ZNF608: variants seen among roughly 807,000 people sequenced by gnomAD.
The protein encoded by ZNF608 is renal carcinoma antigen NY-REN-36.
In ZNF608, 12 loss-of-function variants were observed where a neutral mutation model predicts 109.0. The observed-to-expected ratio is 0.11, with a 90% CI of 0.07 to 0.18. ZNF608 has a LOEUF of 0.18. ZNF608 is among the 10% of genes least tolerant of loss of function. ZNF608 has a pLI of 1.00. For missense variants in ZNF608, 1,707 were observed against 1,879.3 expected, an observed-to-expected ratio of 0.91 and a Z score of 1.70; for synonymous variants, 732 against 717.4, an observed-to-expected ratio of 1.02 and a Z score of -0.33.
At chr5:124,673,544 T>C (rs1272713187) in intron 3 of ZNF608, among the ~76,000 whole-genome samples, 3 of 150,868 alleles carry the variant, frequency 2.0e-5, no homozygotes, top group African/African-American at 7.4e-5. Flanking sequence ...ATAGATTCTA[T>C]TGAATGAGCT....
intron 2 of ZNF608, among the ~76,000 whole-genome samples, chr5:124,711,671 G>A (rs1753495288): frequency 6.6e-6 from 1 of 152,212 alleles, no homozygotes; most frequent in Non-Finnish European, 1.5e-5. Context: ...GCCACAATGT[G>A]CCAAAGGTGG....
In ZNF608 at chr5:124,647,364, C is replaced by T; in HGVS notation, c.3020G>A (p.Ser1007Asn). ...ACCGACCTGCCCAGGGTGCATGTAA[C>T]TTGGAGAATAATAAGGATCATAGCT... ...YHSYDPYYSP[S>N]YMHPGQVGAP... is the part of the protein sequence containing the mutation. Residue 1007 changes from serine (S) to asparagine (N), a missense_variant, in exon 5 of 10, where the codon AGT (serine) becomes AAT (asparagine). Physicochemically the swap from Ser to Asn is conservative, Grantham distance 46. This residue lies in a region of ZNF608 where 1,073 missense variants were observed against 1,133.5 expected (regional missense o/e 0.95). Coordinates refer to ENST00000513986, the MANE Select transcript of ZNF608 (RefSeq NM_020747.3). 2 of 1,614,190 alleles carry T rather than the reference C, an allele frequency of 1.2e-6. No homozygotes were observed. The highest frequency in any genetic ancestry group is 1.7e-6 in the Non-Finnish European group (2 of 1,180,042).
At chr5:124,748,602 T>C, upstream of ZNF608, 1 of 984,260 alleles carries the variant, frequency 1.0e-6, no homozygotes, top group Non-Finnish European at 1.2e-6. Context: ...AGCCGCTTTA[T>C]TTTGGAAATT....
chr5:124,674,204 A>C (rs1751843312), intron 3 of ZNF608, among the ~76,000 whole-genome samples: 1 of 152,188 alleles, frequency 6.6e-6, no homozygotes, highest in Non-Finnish European at 1.5e-5. Context: ...TTGAATCATC[A>C]GGTAAAGTCA....
rs562817642 is a variant in ZNF608 at position 124,744,832 on chromosome 5, G to C, written c.158C>G (p.Ser53Cys). ...KDRQKFEMNN[S>C]TTTTSSSNSK... ...GTTGCTGCTACTAGTGGTGGTGGTG[G>C]AATTATTCATCTCAAATTTCTGTCT... is the stretch of plus-strand genomic sequence containing the variant. The change falls in exon 2 of 10, where the codon TCC becomes TGC. Residue 53 changes from serine (S) to cysteine (C), a missense_variant. Transcript: ENST00000513986. The surrounding 1 kb of genome is among the most constrained non-coding windows in gnomAD (Gnocchi z 4.5). 12 of 1,614,140 alleles carry C rather than the reference G, an allele frequency of 7.4e-6. 1 individual carries two copies. In the South Asian group the frequency reaches 1.3e-4, roughly 18 times the overall value.
intron 3 of ZNF608, among the ~76,000 whole-genome samples, chr5:124,652,846 T>C (rs1033589333): frequency 3.9e-5 from 6 of 152,220 alleles, no homozygotes; most frequent in African/African-American, 1.4e-4. Flanking sequence ...AAGTGCAAAT[T>C]TGTATTTTAT....
intron 3 of ZNF608, among the ~76,000 whole-genome samples, chr5:124,694,142 A>ATTTTT (rs11320730): frequency 4.2e-4 from 27 of 63,936 alleles, no homozygotes; most frequent in African/African-American, 5.5e-4. Context: ...CGCTCGGCTA[A>ATTTTT]TTTTTTTTTT....
rs143440373 is a variant in ZNF608 at position 124,744,687 on chromosome 5, G to A, written c.303C>T (p.Thr101=). 291 of 1,614,156 alleles carry A rather than the reference G, an allele frequency of 1.8e-4. No individual in the cohort carries two copies. In the African/African-American group the frequency reaches 3.4e-3, roughly 19 times the overall value. The change falls in exon 2 of 10, where the codon ACC becomes ACT. Residue 101 remains threonine (T), a synonymous_variant. Coordinates refer to ENST00000513986, the MANE Select transcript of ZNF608 (RefSeq NM_020747.3). The surrounding 1 kb of genome is among the most constrained non-coding windows in gnomAD (Gnocchi z 4.5). ...TACTCCTTTTCACTTTTGATTTGCT[G>A]GTCTCTTTGTGTGAATTCCCCTGGG... ...SAPQGNSHKE[T]SKSKVKRSKT... is the part of the protein sequence containing the mutation.
At chr5:124,677,675 A>G (rs1752006436) in intron 3 of ZNF608, among the ~76,000 whole-genome samples, 1 of 152,122 alleles carries the variant, frequency 6.6e-6, no homozygotes, top group African/African-American at 2.4e-5. Context: ...GGAAAATACA[A>G]GCAAATCGCT....
chr5:124,714,658 T>A (rs1209019230), intron 2 of ZNF608, among the ~76,000 whole-genome samples: 2 of 152,228 alleles, frequency 1.3e-5, no homozygotes, highest in Non-Finnish European at 2.9e-5. Context: ...AAACAAGAGA[T>A]CCTACATAAA....
chr5:124,647,527 T>C lies in ZNF608; in HGVS notation c.2857A>G (p.Ser953Gly), dbSNP rs1336695918. Residue 953 changes from serine (S) to glycine (G), a missense_variant, in exon 5 of 10, where the codon AGC becomes GGC. By Grantham distance (56) the Ser-to-Gly change is moderately conservative. This residue lies in a region of ZNF608 where 1,073 missense variants were observed against 1,133.5 expected (regional missense o/e 0.95). Transcript: ENST00000513986. ...SDAADDGGSD[S>G]RSEGMRSKAS... ...TTTGATCTCATACCCTCCGACCTGC[T>C]GTCAGAACCACCATCGTCAGCAGCA... 2 of 1,614,228 alleles carry C rather than the reference T, an allele frequency of 1.2e-6. No homozygotes were observed. The highest frequency in any genetic ancestry group is 1.3e-5 in the African/African-American group (1 of 75,062).
chr5:124,701,285 G>C lies in ZNF608; in HGVS notation c.907-16C>G, dbSNP rs1465318991. 6.2e-7 allele frequency: 1 copy of C among 1,613,534 alleles called. No individual in the cohort carries two copies. ...GGGGGTCAACCTGAAAGACAGACAG[G>C]CTTACTGCAGTAGTGCTGCATTCCG... is the stretch of plus-strand genomic sequence containing the variant. On this transcript the variant is annotated splice_polypyrimidine_tract_variant and intron_variant, in intron 2 of 9. Transcript: ENST00000513986.
rs982252749 is a variant in ZNF608 at position 124,647,893 on chromosome 5, T to C, written c.2491A>G (p.Lys831Glu). 7 of 1,614,092 alleles carry C rather than the reference T, an allele frequency of 4.3e-6. No homozygotes were observed. The highest frequency in any genetic ancestry group is 3.3e-4 in the Middle Eastern group (2 of 6,084). Residue 831 changes from lysine (K) to glutamate (E), a missense_variant, in exon 5 of 10, where the codon AAA becomes GAA. Physicochemically the swap from Lys to Glu is moderately conservative, Grantham distance 56. This residue lies in a region of ZNF608 where 1,073 missense variants were observed against 1,133.5 expected (regional missense o/e 0.95). Transcript: ENST00000513986. The part of the protein sequence containing the change: ...DKEGKETGSP[K>E]MDAKLGKLED... ...AGTTTCCCCAGCTTGGCATCCATTT[T>C]TGGGCTTCCCGTCTCTTTCCCTTCT...
At chr5:124,646,342 A>G (rs1461811970) in intron 5 of ZNF608, among the ~76,000 whole-genome samples, 1 of 152,188 alleles carries the variant, frequency 6.6e-6, no homozygotes, top group Non-Finnish European at 1.5e-5. Context: ...TGGGTGACAG[A>G]GAGAGATTCC....
At chr5:124,649,416 G>A (rs1257736094) in intron 4 of ZNF608, among the ~76,000 whole-genome samples, 194 bp downstream of exon 4, 1 of 152,212 alleles carries the variant, frequency 6.6e-6, no homozygotes, top group Non-Finnish European at 1.5e-5. Context: ...AGGAGAGAAG[G>A]GGTGGGGAGC....
At chr5:124,709,413 G>A (rs1753402136) in intron 2 of ZNF608, among the ~76,000 whole-genome samples, 1 of 152,186 alleles carries the variant, frequency 6.6e-6, no homozygotes, top group South Asian at 2.1e-4. Flanking sequence ...TACTGAGTAT[G>A]TAAAGATGGA....
At chr5:124,689,330 T>C (rs778333919) in intron 3 of ZNF608, among the ~76,000 whole-genome samples, 1 of 152,058 alleles carries the variant, frequency 6.6e-6, no homozygotes, top group Non-Finnish European at 1.5e-5. Flanking sequence ...ACACCACCTG[T>C]AGTCCCAGCT....
At chr5:124,697,673 T>TAC (rs1447281435) in intron 3 of ZNF608, among the ~76,000 whole-genome samples, 1 of 152,202 alleles carries the variant, frequency 6.6e-6, no homozygotes, top group Admixed American at 6.5e-5. Flanking sequence ...AGACAACCAG[T>TAC]ACTTCATGTA....
Position 124,649,463 on chromosome 5 carries a change from A to G in ZNF608, c.1250+147T>C, listed in dbSNP as rs1176190243. The G allele has an allele frequency of 4.3e-5, 25 of 576,282 alleles. No homozygotes were observed. In the East Asian group the frequency reaches 6.7e-4, roughly 16 times the overall value. The allele number at this position is 576,282 out of a possible 1,614,324, so 35.7% of individuals were successfully genotyped here. A position where few individuals can be genotyped will look rare whatever the true frequency, so the allele number is the denominator to read the frequency against. The stretch of plus-strand genomic sequence containing the variant: ...GATAGAAAAGAAATTTAGCATCTGC[A>G]TTTTACTGCGTTCAATCCTAAATTG... On this transcript the variant is annotated intron_variant, in intron 4 of 9. Coordinates refer to ENST00000513986, the MANE Select transcript of ZNF608 (RefSeq NM_020747.3).
Sources: allele counts gnomAD v4.1 joint callset (sites outside exome capture counted in the v4.1 genomes callset), GRCh38; gene constraint gnomAD v4.1.1; regional missense constraint gnomAD v4.1.1; non-coding constraint Gnocchi (gnomAD v3.1); transcripts MANE v1.5; gene names NCBI Gene and HGNC (gene_info 2026-07-23, HGNC 2026-07-21).